Variants in DNAH11 observed in about 807,000 individuals in gnomAD.
The protein encoded by DNAH11 is axonemal beta dynein heavy chain 11.
A neutral mutation model predicts 526.0 loss-of-function variants in DNAH11; 442 were observed. The observed-to-expected ratio is 0.84, with a 90% confidence interval of 0.78 to 0.91. DNAH11 has a LOEUF of 0.91. DNAH11 is among the 40% of genes least tolerant of loss of function. The pLI is 0.00. For missense variants in DNAH11, 6,989 were observed against 5,448.7 expected (o/e 1.28, Z -8.90); for synonymous variants, 2,461 against 1,935.9 (o/e 1.27, Z -7.12).
Position 21,738,416 on chromosome 7 carries a change from G to T in DNAH11, c.7646-285G>T, listed in dbSNP as rs111307153. On this transcript the variant is annotated intron_variant, in intron 46 of 81. Coordinates refer to ENST00000409508, the MANE Select transcript of DNAH11 (RefSeq NM_001277115.2). Reference sequence around the variant, plus strand: ...GAGGAAGTACGCAGATCAGCAATTGGGTTGTTTCAGCTGTGATGACAATGT... The same window carrying T: ...GAGGAAGTACGCAGATCAGCAATTGTGTTGTTTCAGCTGTGATGACAATGT... Among the ~76,000 whole-genome samples, 229 of 152,234 alleles carry T rather than the reference G, an allele frequency of 1.5e-3. 1 individual carries two copies. The highest frequency in any genetic ancestry group is 5.3e-3 in the African/African-American group (222 of 41,538).
Position 21,543,439 on chromosome 7 carries a change from G to T in DNAH11, c.194G>T (p.Arg65Leu), listed in dbSNP as rs1167837980. 1.3e-6 allele frequency: 2 copies of T among 1,561,140 alleles called. No individual in the cohort carries two copies. Among genetic ancestry groups the T allele is most frequent in the East Asian group, 2.4e-5 (1 of 41,930 alleles). ...QDARVRFLGG[R>L]LAMMLGFTEE... Reference sequence around the variant, plus strand: ...GCGCGGGTGCGCTTCCTCGGCGGCCGCCTGGCGATGATGCTGGGGTTCACG... The same window carrying T: ...GCGCGGGTGCGCTTCCTCGGCGGCCTCCTGGCGATGATGCTGGGGTTCACG... Residue 65 changes from arginine to leucine, a missense_variant, in exon 1 of 82, where the codon CGC becomes CTC. Physicochemically the swap from Arg to Leu is moderately radical, Grantham distance 102. Coordinates refer to ENST00000409508, the MANE Select transcript of DNAH11 (RefSeq NM_001277115.2).
At chr7:21,547,542 G>C (rs763822063) in intron 2 of DNAH11, among the ~76,000 whole-genome samples, 1 of 152,182 alleles carries the variant, frequency 6.6e-6, no homozygotes, top group Non-Finnish European at 1.5e-5. Context: ...CATTGCCTAA[G>C]TTTGCCTGGA....
At chr7:21,675,484 A>G (rs1264727847) in intron 30 of DNAH11, among the ~76,000 whole-genome samples, 2 of 152,200 alleles carry the variant, frequency 1.3e-5, no homozygotes, top group South Asian at 2.1e-4. Context: ...GCAAGGCCTT[A>G]TTTCTGTGTG....
chr7:21,555,224 C>T (rs1783169216), intron 2 of DNAH11, among the ~76,000 whole-genome samples: 1 of 152,164 alleles, frequency 6.6e-6, no homozygotes, highest in South Asian at 2.1e-4. Context: ...CAAACTTAGG[C>T]CACAAGACCA....
Position 21,687,501 on chromosome 7 carries a change from T to C in DNAH11, c.5898T>C (p.His1966=). The change falls in exon 34 of 82, where the codon CAT becomes CAC. Residue 1966 remains histidine (H), a synonymous_variant. Transcript: ENST00000409508. ...SVVAVQVKMI[H]DAIRNRKKRF... is the part of the protein sequence containing the mutation. ...TGGCAGTACAAGTGAAAATGATTCATGATGCCATCAGAAACAGGAAGAAGA... is the reference window on the plus strand; with the variant it reads ...TGGCAGTACAAGTGAAAATGATTCACGATGCCATCAGAAACAGGAAGAAGA... 1 of 1,613,640 alleles carries C rather than the reference T, an allele frequency of 6.2e-7. No individual in the cohort carries two copies. Among genetic ancestry groups the C allele is most frequent in the East Asian group, 2.2e-5 (1 of 44,876 alleles).
At chr7:21,759,827 G>C (rs10485975) in intron 54 of DNAH11, among the ~76,000 whole-genome samples, 20,264 of 152,194 alleles carry the variant, frequency 0.13, 1,533 homozygotes, top group African/African-American at 0.2. Flanking sequence ...ACAAAGCACA[G>C]GGAAAAGTGG....
rs1789346863 is a variant in DNAH11, at chr7:21,807,990, A to C, written c.10273A>C (p.Thr3425Pro). The C allele has an allele frequency of 1.9e-6, 3 of 1,596,014 alleles. No homozygotes were observed. The highest frequency in any genetic ancestry group is 1.1e-5 in the South Asian group (1 of 88,080). The change falls in exon 63 of 82, where the codon ACA becomes CCA. Residue 3425 changes from threonine to proline, a missense_variant. Coordinates refer to ENST00000409508, the MANE Select transcript of DNAH11 (RefSeq NM_001277115.2). ...ATTTGTGTCTTACGTCGGACCCTTC[A>C]CAAGGCAGTATCGCCAGGAGCTGGT... is the stretch of plus-strand genomic sequence containing the variant. ...AAFVSYVGPFTRQYRQELVHC... is the reference protein window; with the variant it reads ...AAFVSYVGPFPRQYRQELVHC...
intron 61 of DNAH11, among the ~76,000 whole-genome samples, 155 bp downstream of exon 61, chr7:21,789,497 G>T (rs1482529785): frequency 6.6e-6 from 1 of 152,058 alleles, no homozygotes; most frequent in East Asian, 1.9e-4. Flanking sequence ...CATTCAGTAG[G>T]TATTTCTTAT....
intron 35 of DNAH11, among the ~76,000 whole-genome samples, chr7:21,697,043 C>T (rs1264502722): frequency 6.6e-6 from 1 of 151,940 alleles, no homozygotes; most frequent in African/African-American, 2.4e-5. Flanking sequence ...TATAGAATAA[C>T]CTAGATCCAA....
chr7:21,867,460 C>T (rs1783323528), intron 71 of DNAH11, among the ~76,000 whole-genome samples: 1 of 152,126 alleles, frequency 6.6e-6, no homozygotes, highest in South Asian at 2.1e-4. Flanking sequence ...TTAGAAACAC[C>T]CCAAAAAGCA....
At chr7:21,859,715 TATATAG>T (rs1222324511) in intron 68 of DNAH11, among the ~76,000 whole-genome samples, 2 of 152,228 alleles carry the variant, frequency 1.3e-5, no homozygotes, top group East Asian at 3.9e-4. Flanking sequence ...GCTATTTATA[TATATAG>T]ATATATTTTT....
At chr7:21,863,500 G>A (rs1409293207) in intron 69 of DNAH11, among the ~76,000 whole-genome samples, 1 of 152,070 alleles carries the variant, frequency 6.6e-6, no homozygotes, top group Non-Finnish European at 1.5e-5. Flanking sequence ...GCTAATTTTT[G>A]TATTTGTAGT....
rs1053948528 is a variant in DNAH11, at chr7:21,838,771, C to A, written c.10692-3773C>A. On this transcript the variant is annotated intron_variant, in intron 65 of 81. Transcript: ENST00000409508. ...ATTTTTGAGACAGGGTCTCTGTTGC[C>A]CAGGCTGGAGTGCAGTGGCCTGATC... Among the ~76,000 whole-genome samples, 8 of 148,362 alleles carry A rather than the reference C, an allele frequency of 5.4e-5. No individual in the cohort carries two copies. The Admixed American group carries it at 5.5e-4, about 10-fold the overall frequency.
intron 66 of DNAH11, among the ~76,000 whole-genome samples, chr7:21,845,663 C>G (rs891729407): frequency 6.6e-6 from 1 of 152,096 alleles, no homozygotes; most frequent in Non-Finnish European, 1.5e-5. Flanking sequence ...AGTGTCAATT[C>G]TCTGACTTTG....
intron 68 of DNAH11, among the ~76,000 whole-genome samples, chr7:21,861,311 C>G (rs892830507): frequency 2.0e-5 from 3 of 152,174 alleles, no homozygotes; most frequent in African/African-American, 7.2e-5. Flanking sequence ...TTAAACTGAG[C>G]TCATCACATT....
intron 14 of DNAH11, among the ~76,000 whole-genome samples, chr7:21,593,906 ATCTC>A (rs892116325): frequency 7.3e-5 from 11 of 151,048 alleles, no homozygotes; most frequent in Non-Finnish European, 1.3e-4. Flanking sequence ...CAGACACAAA[ATCTC>A]TCTCTCTCTA....
In DNAH11 at chr7:21,725,805, C is replaced by A; in HGVS notation, c.7267-6C>A. The A allele has an allele frequency of 6.2e-7, 1 of 1,607,154 alleles. No individual in the cohort carries two copies. Among genetic ancestry groups the A allele is most frequent in the South Asian group, 1.1e-5 (1 of 89,378 alleles). ...CTGCAATAAGGATTTCTTTTGTTCTCCTTAGATTTCTGATTATCAAGCTGA... is the reference window on the plus strand; with the variant it reads ...CTGCAATAAGGATTTCTTTTGTTCTACTTAGATTTCTGATTATCAAGCTGA... On this transcript the variant is annotated splice_polypyrimidine_tract_variant and splice_region_variant and intron_variant, in intron 44 of 81. Coordinates refer to ENST00000409508, the MANE Select transcript of DNAH11 (RefSeq NM_001277115.2).
rs574904907 is a variant in DNAH11, at chr7:21,551,518, A to G, written c.495+6369A>G. On this transcript the variant is annotated intron_variant, in intron 2 of 81. Transcript: ENST00000409508. ...CCACAGGCATATTTAGAATCAGTATATACAGTGTCTTCTTGGGCTTTAAGG... is the reference window on the plus strand; with the variant it reads ...CCACAGGCATATTTAGAATCAGTATGTACAGTGTCTTCTTGGGCTTTAAGG... Among the ~76,000 whole-genome samples, 71 of 152,340 alleles carry G rather than the reference A, an allele frequency of 4.7e-4. 1 individual carries two copies. Among genetic ancestry groups the G allele is most frequent in the South Asian group, 1.9e-3 (9 of 4,832 alleles).
At chr7:21,752,107 C>T (rs1786440016) in intron 54 of DNAH11, among the ~76,000 whole-genome samples, 2 of 152,212 alleles carry the variant, frequency 1.3e-5, no homozygotes, top group Non-Finnish European at 2.9e-5. Flanking sequence ...TTAACAAGGC[C>T]TCCAAGTGAT....
Sources: allele counts gnomAD v4.1 joint callset (sites outside exome capture counted in the v4.1 genomes callset), GRCh38; gene constraint gnomAD v4.1.1; transcripts MANE v1.5; gene names NCBI Gene and HGNC (gene_info 2026-07-23, HGNC 2026-07-21).